The following RIMKLA variants were observed in gnomAD, a reference collection of about 807,000 sequenced individuals.
The protein encoded by RIMKLA is N-acetylaspartylglutamate synthase A.
A neutral mutation model predicts 32.7 loss-of-function variants in RIMKLA; 14 were observed. That is an observed-to-expected ratio of 0.43 (90% CI 0.28 to 0.67). The LOEUF (loss-of-function observed/expected upper bound fraction) is 0.67, where lower values mean the gene tolerates loss of function less well. Among genes scored for constraint, RIMKLA ranks in the 30% least tolerant of loss-of-function variants. The pLI, the probability that RIMKLA is intolerant of heterozygous loss-of-function variation, is 0.18. For missense variants in RIMKLA, 410 were observed against 519.0 expected, an observed-to-expected ratio of 0.79 and a Z score of 2.04; for synonymous variants, 176 against 204.1, an observed-to-expected ratio of 0.86 and a Z score of 1.18.
At chr1:42,402,289 A>G (rs35665433) in intron 2 of RIMKLA, among the ~76,000 whole-genome samples, 6,212 of 152,344 alleles carry the variant, frequency 0.041, 182 homozygotes, top group Non-Finnish European at 0.061. Context: ...TTAAGACAGC[A>G]GATGGAGTTG....
Position 42,410,169 on chromosome 1 carries a change from C to T in RIMKLA, c.667C>T (p.Gln223Ter), listed in dbSNP as rs1643185259. ...TCGCTGCTCCACTGATGGACGGATG[C>T]AGAGCAACTGCTCTCTCGGTAAGGT... is the stretch of plus-strand genomic sequence containing the variant. The part of the protein sequence containing the change: ...MLRCSTDGRM[Q>*]SNCSLGGVGV... Residue 223 changes from glutamine to a stop codon, truncating the protein, a stop_gained, in exon 4 of 5, where the codon CAG becomes TAG. Coordinates refer to ENST00000431473, the MANE Select transcript of RIMKLA (RefSeq NM_173642.4). LOFTEE classifies it high-confidence loss of function. The T allele has an allele frequency of 6.2e-7, 1 of 1,613,880 alleles. No homozygotes were observed. Among genetic ancestry groups the T allele is most frequent in the Admixed American group, 1.7e-5 (1 of 59,994 alleles).
chr1:42,389,923 GA>G (rs1170498404), intron 1 of RIMKLA, among the ~76,000 whole-genome samples: 1 of 151,800 alleles, frequency 6.6e-6, no homozygotes, highest in Non-Finnish European at 1.5e-5. Flanking sequence ...GTAAGTGGTA[GA>G]AAAGAGTGAA....
At chr1:42,385,842 TTCTCTTTCTTTC>T (rs1642937045) in intron 1 of RIMKLA, among the ~76,000 whole-genome samples, 1 of 63,500 alleles carries the variant, frequency 1.6e-5, no homozygotes, top group African/African-American at 6.1e-5. Context: ...CTTTCTTTCT[TTCTCTTTCTTTC>T]TTTCTTTCTT....
At chr1:42,386,880 C>CAGAT (rs1553175656) in intron 1 of RIMKLA, among the ~76,000 whole-genome samples, 1 of 121,118 alleles carries the variant, frequency 8.3e-6, no homozygotes, top group Non-Finnish European at 1.7e-5. Flanking sequence ...GACTCCATCT[C>CAGAT]AAATAAATAA....
chr1:42,383,840 G>A lies in RIMKLA; in HGVS notation c.163+2743G>A, dbSNP rs868052611. Among the ~76,000 whole-genome samples, 4 of 152,310 alleles carry A rather than the reference G, an allele frequency of 2.6e-5. No homozygotes were observed. In the Middle Eastern group the frequency reaches 0.01, roughly 389 times the overall value. On this transcript the variant is annotated intron_variant, in intron 1 of 4. Transcript: ENST00000431473. Reference sequence around the variant, plus strand: ...TTCTAATTTCTAGCCCAGTGATATGGAATAAGCTTCCTTTAGGATGTCTGC... The same window carrying A: ...TTCTAATTTCTAGCCCAGTGATATGAAATAAGCTTCCTTTAGGATGTCTGC...
intron 2 of RIMKLA, among the ~76,000 whole-genome samples, chr1:42,400,744 T>C (rs1643090164): frequency 6.6e-6 from 1 of 152,148 alleles, no homozygotes; most frequent in South Asian, 2.1e-4. Context: ...TACATGCAAG[T>C]AAAAATATTT....
At chr1:42,394,850 C>T (rs952889558) in intron 1 of RIMKLA, among the ~76,000 whole-genome samples, 2 of 152,060 alleles carry the variant, frequency 1.3e-5, no homozygotes, top group African/African-American at 4.8e-5. Context: ...GATTCTTCTG[C>T]CTCAGCCTCC....
intron 3 of RIMKLA, among the ~76,000 whole-genome samples, chr1:42,408,829 T>C (rs1643171144): frequency 6.6e-6 from 1 of 152,170 alleles, no homozygotes; most frequent in Admixed American, 6.5e-5. Context: ...GAAAAGAATG[T>C]TCAGACTGGG....
At chr1:42,404,925 C>G (rs1483878330) in intron 3 of RIMKLA, among the ~76,000 whole-genome samples, 1 of 152,164 alleles carries the variant, frequency 6.6e-6, no homozygotes, top group East Asian at 1.9e-4. Flanking sequence ...TCCCAAGACC[C>G]TGTGCCGCCT....
chr1:42,399,695 CCTT>C (rs1643080640), intron 2 of RIMKLA, 61 bp downstream of exon 2: 3 of 1,018,612 alleles, frequency 2.9e-6, no homozygotes, highest in South Asian at 1.5e-5. Context: ...TCCTTAGAAA[CCTT>C]CTAGTATCTT....
At chr1:42,384,890 C>T (rs773534301) in intron 1 of RIMKLA, among the ~76,000 whole-genome samples, 2 of 152,026 alleles carry the variant, frequency 1.3e-5, no homozygotes, top group African/African-American at 2.4e-5. Context: ...CCTCAGATGC[C>T]CACTGTTCCC....
intron 4 of RIMKLA, chr1:42,412,906 C>T (rs28526231): frequency 0.16 from 32,676 of 205,136 alleles, 2,710 homozygotes; most frequent in East Asian, 0.22. Flanking sequence ...GAGGCTGAGG[C>T]GGGCAGATCA....
In RIMKLA at chr1:42,419,971, CATGCTCCAGT is replaced by C. The variant is rs1450469266; in HGVS notation, c.*4998_*5007del. ...CCAAGAAGAAATCCTGTTCGATGCA[CATGCTCCAGT>C]TTCAATCAGCAACAAGGTCAAAAGT... On this transcript the variant is annotated 3_prime_UTR_variant, in exon 5 of 5. Coordinates refer to ENST00000431473, the MANE Select transcript of RIMKLA (RefSeq NM_173642.4). The C allele has an allele frequency of 1.3e-5, 2 of 152,262 alleles. No individual in the cohort carries two copies. Among genetic ancestry groups the C allele is most frequent in the African/African-American group, 4.8e-5 (2 of 41,464 alleles). The allele number at this position is 152,262 out of a possible 1,614,324, so 9.4% of individuals were successfully genotyped here. A position where few individuals can be genotyped will look rare whatever the true frequency, so the allele number is the denominator to read the frequency against.
At chr1:42,410,259 G>A (rs1643185994) in intron 4 of RIMKLA, 72 bp downstream of exon 4, 2 of 1,269,780 alleles carry the variant, frequency 1.6e-6, no homozygotes, top group Non-Finnish European at 2.3e-6. Context: ...GATCCCTACT[G>A]TCTTGTCAGA....
intron 1 of RIMKLA, among the ~76,000 whole-genome samples, chr1:42,385,881 T>TC (rs1349888218): frequency 4.0e-5 from 4 of 100,636 alleles, no homozygotes; most frequent in African/African-American, 1.4e-4. Context: ...TTTCTTTCTT[T>TC]CTTTCTTTCT....
At chr1:42,409,944 G>T in intron 3 of RIMKLA, 40 bp from the exon 4 acceptor site, 1 of 1,520,752 alleles carries the variant, frequency 6.6e-7, no homozygotes, top group Non-Finnish European at 9.1e-7. Context: ...GAGTCCAGAG[G>T]CTTCTCTAAC....
At chr1:42,394,186 C>A (rs1643022833) in intron 1 of RIMKLA, among the ~76,000 whole-genome samples, 2 of 152,220 alleles carry the variant, frequency 1.3e-5, no homozygotes, top group African/African-American at 2.4e-5. Flanking sequence ...GTTCTAAAAG[C>A]TACCATAAGT....
chr1:42,406,730 G>A (rs1283855795), intron 3 of RIMKLA, among the ~76,000 whole-genome samples: 1 of 152,004 alleles, frequency 6.6e-6, no homozygotes, highest in Non-Finnish European at 1.5e-5. Flanking sequence ...TCTAGTGAGT[G>A]TGAAATGGTA....
intron 1 of RIMKLA, among the ~76,000 whole-genome samples, chr1:42,388,548 C>G (rs1279190672): frequency 1.6e-5 from 2 of 124,432 alleles, no homozygotes; most frequent in African/African-American, 6.4e-5. Flanking sequence ...GAGATGGAAT[C>G]TTGCTCTGTC....
Sources: gnomAD v4.1 joint callset for allele counts (sites outside exome capture counted in the v4.1 genomes callset) on GRCh38, gnomAD v4.1.1 for gene constraint, MANE v1.5 for transcripts, NCBI Gene and HGNC (gene_info 2026-07-23, HGNC 2026-07-21) for gene names.